CUL3: variants seen among roughly 807,000 people sequenced by gnomAD.
CUL3 encodes cullin-3.
In CUL3, 19 loss-of-function variants were observed where a neutral mutation model predicts 89.1. The ratio of observed to expected loss-of-function variants is 0.21; its 90% CI spans 0.15 to 0.31. CUL3 has a LOEUF of 0.31. CUL3 is among the 10% of genes least tolerant of loss of function. The probability of loss-of-function intolerance (pLI) is 1.00; values close to 1 mark genes in which losing one functional copy is unlikely to be tolerated. For missense variants in CUL3, 469 were observed against 942.3 expected (o/e 0.50, Z 6.58); for synonymous variants, 351 against 308.4 (o/e 1.14, Z -1.45).
intron 6 of CUL3, 78 bp from the exon 7 acceptor site, chr2:224,507,081 T>G: frequency 3.0e-6 from 4 of 1,312,290 alleles, no homozygotes; most frequent in Non-Finnish European, 4.1e-6. Flanking sequence ...GCTATAATAC[T>G]GAGAGAAGCT....
chr2:224,557,799 G>C lies in CUL3; in HGVS notation c.124C>G (p.Gln42Glu), dbSNP rs2106304909. ...CTGTTATTCTTACGCTGGATTTCTTGAATTGCATTTTTCAGAAGGTCCCAA... is the reference window on the plus strand; with the variant it reads ...CTGTTATTCTTACGCTGGATTTCTTCAATTGCATTTTTCAGAAGGTCCCAA... Reference protein sequence around the residue: ...SIWDLLKNAIQEIQRKNNSGL... With the variant: ...SIWDLLKNAIEEIQRKNNSGL... Residue 42 changes from glutamine (Q) to glutamate (E), a missense_variant, in exon 2 of 16, where the codon CAA (glutamine) becomes GAA (glutamate). By Grantham distance (29) the Gln-to-Glu change is conservative. Transcript: ENST00000264414. The C allele has an allele frequency of 2.1e-6, 3 of 1,432,934 alleles. No homozygotes were observed. The highest frequency in any genetic ancestry group is 2.8e-6 in the Non-Finnish European group (3 of 1,072,908). 88.8% of individuals were successfully genotyped at this position (1,432,934 alleles called of 1,614,324 possible).
intron 1 of CUL3, among the ~76,000 whole-genome samples, chr2:224,566,425 A>G (rs1278085862): frequency 6.6e-6 from 1 of 152,242 alleles, no homozygotes; most frequent in Non-Finnish European, 1.5e-5. Flanking sequence ...CAGCAGAGTT[A>G]GCTTATCCCT....
chr2:224,580,269 G>T (rs1302818816), intron 1 of CUL3, among the ~76,000 whole-genome samples: 1 of 152,202 alleles, frequency 6.6e-6, no homozygotes, highest in Admixed American at 6.5e-5. Context: ...ATACAGAAAC[G>T]TCCTTATTGT....
intron 3 of CUL3, among the ~76,000 whole-genome samples, chr2:224,522,258 A>G (rs1349861393): frequency 6.6e-6 from 1 of 152,190 alleles, no homozygotes; most frequent in African/African-American, 2.4e-5. Flanking sequence ...AGACAGAAAT[A>G]GAAAAATTTT....
chr2:224,476,479 T>C (rs893949819), intron 15 of CUL3, among the ~76,000 whole-genome samples: 2 of 152,092 alleles, frequency 1.3e-5, no homozygotes, highest in Non-Finnish European at 2.9e-5. Flanking sequence ...TTTCTGACAA[T>C]CCCCTTAAAC....
At chr2:224,520,943 T>C (rs1311556205) in intron 3 of CUL3, among the ~76,000 whole-genome samples, 2 of 152,214 alleles carry the variant, frequency 1.3e-5, no homozygotes, top group Admixed American at 6.5e-5. Context: ...ACAGTTCCTA[T>C]TGAAGCTAAA....
In CUL3 at chr2:224,504,554, C is replaced by T. The variant is rs187659792; in HGVS notation, c.1207-732G>A. Among the ~76,000 whole-genome samples the T allele has an allele frequency of 5.1e-3, 774 of 152,296 alleles. 6 individuals are homozygous for T. The highest frequency in any genetic ancestry group is 0.017 in the African/African-American group (721 of 41,558). On this transcript the variant is annotated intron_variant, in intron 8 of 15. Transcript: ENST00000264414. The stretch of plus-strand genomic sequence containing the variant: ...GAACTCCCAACCTCAGGTGATCCGC[C>T]GCCTTTGCCTCCCAAAGTGCTGGGA...
chr2:224,490,586 G>A (rs1691931330), intron 13 of CUL3, among the ~76,000 whole-genome samples: 1 of 151,948 alleles, frequency 6.6e-6, no homozygotes, highest in Non-Finnish European at 1.5e-5. Flanking sequence ...CGCACAAGGG[G>A]AGAAAAACAA....
chr2:224,505,832 G>A, intron 8 of CUL3, 124 bp downstream of exon 8: 1 of 531,862 alleles, frequency 1.9e-6, no homozygotes, highest in Non-Finnish European at 3.1e-6. Context: ...AATAGACCAT[G>A]GCACCCATTT....
chr2:224,581,497 A>G (rs1695436009), intron 1 of CUL3, among the ~76,000 whole-genome samples: 1 of 148,884 alleles, frequency 6.7e-6, no homozygotes, highest in Non-Finnish European at 1.5e-5. Context: ...AACATATATA[A>G]TTTTTCTTTT....
intron 11 of CUL3, 73 bp downstream of exon 11, chr2:224,500,290 C>T (rs1234281189): frequency 3.9e-6 from 6 of 1,524,420 alleles, no homozygotes; most frequent in African/African-American, 1.4e-5. Flanking sequence ...ATTACGGATA[C>T]TAATGTTCAA....
chr2:224,472,013 AT>A lies in CUL3; in HGVS notation c.*2231del, dbSNP rs1239080995. The A allele has an allele frequency of 4.3e-6, 1 of 231,134 alleles. No homozygotes were observed. The highest frequency in any genetic ancestry group is 8.6e-6 in the Non-Finnish European group (1 of 116,792). The allele number at this position is 231,134 out of a possible 1,614,324, so 14.3% of individuals were successfully genotyped here. ...CTAAAAAGAAAGCAATGTTAAATGT[AT>A]TTTGTTATAACCTTTATGACCTAAA... On this transcript the variant is annotated 3_prime_UTR_variant, in exon 16 of 16. Transcript: ENST00000264414.
chr2:224,583,147 G>C (rs1695481946), intron 1 of CUL3, among the ~76,000 whole-genome samples: 1 of 152,174 alleles, frequency 6.6e-6, no homozygotes. Context: ...GGGAGGCCGA[G>C]GTCGGTGATC....
intron 1 of CUL3, chr2:224,569,669 T>C: frequency 9.3e-7 from 1 of 1,080,396 alleles, no homozygotes; most frequent in South Asian, 2.2e-5. Context: ...TGAAAGGATG[T>C]CAGTCTATTA....
intron 2 of CUL3, among the ~76,000 whole-genome samples, chr2:224,556,628 C>T (rs1694714488): frequency 6.6e-6 from 1 of 152,110 alleles, no homozygotes; most frequent in East Asian, 1.9e-4. Context: ...CACCACTAAA[C>T]AGGACAATTG....
intron 1 of CUL3, among the ~76,000 whole-genome samples, chr2:224,559,637 G>A (rs1319223627): frequency 6.6e-6 from 1 of 152,020 alleles, no homozygotes; most frequent in Non-Finnish European, 1.5e-5. Context: ...ATCTACTCCA[G>A]TAGGGCTTTC....
chr2:224,504,481 GTATTTTT>G (rs1692513398), intron 8 of CUL3, among the ~76,000 whole-genome samples: 1 of 152,014 alleles, frequency 6.6e-6, no homozygotes, highest in Non-Finnish European at 1.5e-5. Flanking sequence ...GGCTAATTTT[GTATTTTT>G]AGTAGAGATG....
At chr2:224,576,772 C>T (rs578105252) in intron 1 of CUL3, among the ~76,000 whole-genome samples, 2 of 151,840 alleles carry the variant, frequency 1.3e-5, no homozygotes, top group East Asian at 1.9e-4. Flanking sequence ...GCACATTTAA[C>T]GTACATATTA....
chr2:224,502,502 G>C (rs979136498), intron 10 of CUL3, among the ~76,000 whole-genome samples: 1 of 152,022 alleles, frequency 6.6e-6, no homozygotes, highest in African/African-American at 2.4e-5. Context: ...CACCTGCTAC[G>C]CACCCTTAGG....
Sources: allele counts gnomAD v4.1 joint callset (sites outside exome capture counted in the v4.1 genomes callset), GRCh38; gene constraint gnomAD v4.1.1; transcripts MANE v1.5; gene names NCBI Gene and HGNC (gene_info 2026-07-23, HGNC 2026-07-21).